DMD: variants seen among roughly 807,000 people sequenced by gnomAD.
The protein encoded by DMD is mutant dystrophin.
In DMD, 63 loss-of-function variants were observed where a neutral mutation model predicts 330.1. That is an observed-to-expected ratio of 0.19 (90% CI 0.16 to 0.24). DMD has a LOEUF of 0.24. DMD is among the 10% of genes least tolerant of loss of function. The pLI is 1.00. For synonymous variants in DMD, 1,223 were observed against 959.8 expected (o/e 1.27, Z -5.07); for missense variants, 3,344 against 2,684.1 (o/e 1.25, Z -5.43).
intron 42 of DMD, among the ~76,000 whole-genome samples, chrX:32,301,165 G>A (rs1255568730): frequency 9.9e-6 from 1 of 101,020 alleles, no homozygotes; most frequent in African/African-American, 3.6e-5. Flanking sequence ...TTACACAGGG[G>A]ACAGAAAAGC....
intron 2 of DMD, among the ~76,000 whole-genome samples, chrX:32,853,684 C>T (rs1255057400): frequency 1.9e-5 from 2 of 104,614 alleles, no homozygotes; most frequent in African/African-American, 7.1e-5. Flanking sequence ...CACAAAACAA[C>T]CAGAAAACAA....
chrX:31,255,815 G>A, intron 63 of DMD, among the ~76,000 whole-genome samples: 1 of 73,704 alleles, frequency 1.4e-5, no homozygotes, highest in South Asian at 7.1e-4. Flanking sequence ...CACTCTTGTT[G>A]CCCAGGAGGG....
At chrX:31,966,874 A>T (rs1357923139) in intron 45 of DMD, among the ~76,000 whole-genome samples, 1 of 111,115 alleles carries the variant, frequency 9.0e-6, no homozygotes, top group African/African-American at 3.3e-5. Context: ...TATGAGTAAG[A>T]CATTTAAAAT....
rs1602138534 is a variant in DMD, at chrX:31,146,319, C to G, written c.10893G>C (p.Val3631=). Residue 3631 remains valine (V), a synonymous_variant, in exon 76 of 79, where the codon GTG becomes GTC. Coordinates refer to ENST00000357033, the MANE Select transcript of DMD (RefSeq NM_004006.3). ...SDSSQPMLLR[V]VGSQTSDSMG... ...TGGAGTCCGAAGTTTGACTGCCAAC[C>G]ACTCGGAGCAGCATAGGCTGACTGC... The G allele has an allele frequency of 3.3e-6, 4 of 1,211,025 alleles. No homozygotes were observed. Among genetic ancestry groups the G allele is most frequent in the Non-Finnish European group, 4.5e-6 (4 of 895,078 alleles).
intron 61 of DMD, among the ~76,000 whole-genome samples, chrX:31,344,037 C>CGGGG (rs58479792): frequency 3.3e-3 from 277 of 83,104 alleles, no homozygotes; most frequent in African/African-American, 0.012. Flanking sequence ...GATTGGAGTG[C>CGGGG]GGGGGGGGGT....
intron 62 of DMD, among the ~76,000 whole-genome samples, chrX:31,309,394 T>C (rs2055299530): frequency 8.9e-6 from 1 of 112,233 alleles, no homozygotes; most frequent in African/African-American, 3.2e-5. Flanking sequence ...TGTATAACTG[T>C]TATATCACTT....
chrX:32,293,307 G>C (rs1401301921), intron 42 of DMD, among the ~76,000 whole-genome samples: 2 of 112,040 alleles, frequency 1.8e-5, no homozygotes, highest in Non-Finnish European at 3.8e-5. Flanking sequence ...AAGGTGTTTA[G>C]GGTGAAAAGA....
chrX:32,753,583 G>A (rs928688408), intron 7 of DMD, among the ~76,000 whole-genome samples: 2 of 111,561 alleles, frequency 1.8e-5, no homozygotes, highest in Non-Finnish European at 3.8e-5. Context: ...CTCAGCTGTG[G>A]GTGTTCTATA....
At chrX:31,605,831 T>A (rs1372945000) in intron 55 of DMD, among the ~76,000 whole-genome samples, 1 of 112,040 alleles carries the variant, frequency 8.9e-6, no homozygotes, top group Non-Finnish European at 1.9e-5. Context: ...TCTCTACTAG[T>A]TGAATGGAGC....
intron 60 of DMD, among the ~76,000 whole-genome samples, chrX:31,384,309 CACTACTACTACTACTACTACTACTACT>C (rs79171547): frequency 1.1e-5 from 1 of 91,313 alleles, no homozygotes; most frequent in Non-Finnish European, 2.3e-5. Flanking sequence ...TATCCTGCTT[CACTACTACTACTACTACTACTACTACT>C]ACTACTACTA....
chrX:31,899,945 C>G (rs899296538), intron 47 of DMD, among the ~76,000 whole-genome samples: 1 of 111,410 alleles, frequency 9.0e-6, no homozygotes, highest in African/African-American at 3.3e-5. Flanking sequence ...GACTGCTTCT[C>G]TTTTTAACAT....
intron 55 of DMD, among the ~76,000 whole-genome samples, chrX:31,600,772 C>T (rs1451140358): frequency 2.8e-5 from 3 of 108,190 alleles, no homozygotes; most frequent in Non-Finnish European, 5.7e-5. Context: ...AAAGCCACTG[C>T]TCCTCCCAAG....
chrX:32,549,564 A>G (rs1169139079), intron 16 of DMD, among the ~76,000 whole-genome samples: 1 of 112,396 alleles, frequency 8.9e-6, no homozygotes, highest in Non-Finnish European at 1.9e-5. Context: ...TATCAGCAGT[A>G]ACCACTATCT....
chrX:32,829,841 C>A (rs1445388037), intron 4 of DMD, among the ~76,000 whole-genome samples: 1 of 111,634 alleles, frequency 9.0e-6, no homozygotes, highest in Non-Finnish European at 1.9e-5. Context: ...TCCACAAGGT[C>A]TGATTTAAAA....
At chrX:31,559,360 C>CTCTGGTTCCAGTGTAAATTCTTTGA (rs2075042729) in intron 55 of DMD, among the ~76,000 whole-genome samples, 1 of 99,437 alleles carries the variant, frequency 1.0e-5, no homozygotes, top group African/African-American at 4.1e-5. Flanking sequence ...GACTTCTTGG[C>CTCTGGTTCCAGTGTAAATTCTTTGA]TGCCGGGCGC....
chrX:31,492,514 TA>T (rs1370591557), intron 57 of DMD, among the ~76,000 whole-genome samples: 1 of 112,035 alleles, frequency 8.9e-6, no homozygotes, highest in Non-Finnish European at 1.9e-5. Flanking sequence ...GAATTTTTCT[TA>T]AAGATACCAA....
At position 31,474,706 on chromosome X, in the gene DMD, CA is replaced by C. The variant is rs779735826; in HGVS notation, c.8937+3399del. 1.6e-4 allele frequency among the ~76,000 whole-genome samples: 10 copies of C among 64,004 alleles called. 1 individual carries two copies. Among genetic ancestry groups the C allele is most frequent in the Non-Finnish European group, 2.6e-4 (9 of 34,712 alleles). The allele number at this position is 64,004 out of a possible 115,157, so 55.6% of individuals were successfully genotyped here. A position where few individuals can be genotyped will look rare whatever the true frequency, so the allele number is the denominator to read the frequency against. On this transcript the variant is annotated intron_variant, in intron 59 of 78. Coordinates refer to ENST00000357033, the MANE Select transcript of DMD (RefSeq NM_004006.3). ...CCTGGGTGACAGAGCGAGACTGTCG[CA>C]AAAAAAAAATAAAATAAAATAAAAT... is the stretch of plus-strand genomic sequence containing the variant.
chrX:32,055,488 T>A (rs76052007), intron 44 of DMD, among the ~76,000 whole-genome samples: 6,046 of 109,739 alleles, frequency 0.055, 233 homozygotes, highest in East Asian at 0.33. Context: ...AGCAATAATA[T>A]AGAAGTTTCA....
chrX:31,563,600 T>A (rs919955392), intron 55 of DMD, among the ~76,000 whole-genome samples: 1 of 112,054 alleles, frequency 8.9e-6, no homozygotes, highest in Non-Finnish European at 1.9e-5. Flanking sequence ...CCCTCCTCAA[T>A]ATATCTTGCC....
Sources: allele counts gnomAD v4.1 joint callset (sites outside exome capture counted in the v4.1 genomes callset), GRCh38; gene constraint gnomAD v4.1.1; transcripts MANE v1.5; gene names NCBI Gene and HGNC (gene_info 2026-07-23, HGNC 2026-07-21).